RAB5IF: variants seen among roughly 807,000 people sequenced by gnomAD.
RAB5IF encodes the protein GEL complex subunit OPTI.
Under a neutral mutation model 20.3 loss-of-function variants are expected in RAB5IF, and 15 were observed. The observed-to-expected ratio is 0.74, with a 90% CI of 0.50 to 1.14. RAB5IF has a LOEUF of 1.14. Ranked by LOEUF, RAB5IF falls within the 50% of genes most tolerant of loss-of-function variation. The pLI, the probability that RAB5IF is intolerant of heterozygous loss-of-function variation, is 0.00. For synonymous variants in RAB5IF, 67 were observed against 63.7 expected (o/e 1.05, Z -0.25); for missense variants, 148 against 159.5 (o/e 0.93, Z 0.39).
chr20:36,609,185 A>ACACACACACACACACC (rs2039021825), intron 2 of RAB5IF, among the ~76,000 whole-genome samples: 1 of 47,954 alleles, frequency 2.1e-5, no homozygotes. Context: ...ACACACACAC[A>ACACACACACACACACC]CACACACACG....
chr20:36,610,387 A>G (rs2039078817), intron 3 of RAB5IF, among the ~76,000 whole-genome samples: 1 of 152,142 alleles, frequency 6.6e-6, no homozygotes, highest in African/African-American at 2.4e-5. Flanking sequence ...TCCATACAGT[A>G]GAATGTTATT....
chr20:36,607,490 A>G (rs2038961889), intron 1 of RAB5IF, among the ~76,000 whole-genome samples: 1 of 152,168 alleles, frequency 6.6e-6, no homozygotes, highest in Non-Finnish European at 1.5e-5. Flanking sequence ...TCGGCCTCCC[A>G]AAGTGCTGGG....
intron 2 of RAB5IF, among the ~76,000 whole-genome samples, chr20:36,609,156 TACACACACACACAC>T (rs765034845): frequency 5.9e-5 from 1 of 17,052 alleles, no homozygotes; most frequent in Non-Finnish European, 1.1e-4. Flanking sequence ...AGAACTATAT[TACACACACACACAC>T]ACACACACAC....
chr20:36,608,725 G>C (rs376932272), intron 2 of RAB5IF, among the ~76,000 whole-genome samples: 4 of 151,618 alleles, frequency 2.6e-5, no homozygotes, highest in African/African-American at 9.7e-5. Context: ...CCCCATGCCC[G>C]GCTTATTTTT....
intron 3 of RAB5IF, among the ~76,000 whole-genome samples, chr20:36,611,628 C>A (rs2039122479): frequency 6.6e-6 from 1 of 151,884 alleles, no homozygotes; most frequent in Non-Finnish European, 1.5e-5. Flanking sequence ...CAATGGGTAG[C>A]CAAGGTTTGA....
Position 36,607,579 on chromosome 20 carries a change from A to G in RAB5IF, c.115-136A>G, listed in dbSNP as rs952338013. On this transcript the variant is annotated intron_variant, in intron 1 of 3. Transcript: ENST00000344795. The stretch of plus-strand genomic sequence containing the variant: ...TTTTAGTATAAGTAAGAGGTGAAAC[A>G]GGAAGCACATACTGTTGCCTTTGGG... The G allele has an allele frequency of 5.3e-6, 5 of 943,168 alleles. No individual in the cohort carries two copies. In the African/African-American group the frequency reaches 6.7e-5, roughly 13 times the overall value. The allele number at this position is 943,168 out of a possible 1,614,324, so 58.4% of individuals were successfully genotyped here.
chr20:36,609,035 T>C (rs1466346318), intron 2 of RAB5IF, among the ~76,000 whole-genome samples: 1 of 151,694 alleles, frequency 6.6e-6, no homozygotes, highest in Non-Finnish European at 1.5e-5. Context: ...AAGCAGCAGC[T>C]TCACATGTTT....
At chr20:36,607,687 A>T in intron 1 of RAB5IF, 28 bp from the exon 2 acceptor site, 2 of 1,612,830 alleles carry the variant, frequency 1.2e-6, no homozygotes, top group Non-Finnish European at 1.7e-6. Context: ...ACTCCAGATA[A>T]TTCTTGCATT....
chr20:36,609,091 TCA>T lies in RAB5IF; in HGVS notation c.219-509_219-508del, dbSNP rs1413172974. On this transcript the variant is annotated intron_variant, in intron 2 of 3. Transcript: ENST00000344795. ...AGCTGGAGCTACCTGGAGGCCCATG[TCA>T]GGTCCCGCTTGGGATGGCTTATCAG... 3.3e-5 allele frequency among the ~76,000 whole-genome samples: 5 copies of T among 151,168 alleles called. No individual in the cohort carries two copies. In the East Asian group the frequency reaches 9.7e-4, roughly 29 times the overall value.
chr20:36,612,396 C>G lies in RAB5IF; in HGVS notation c.*345C>G. 1 of 659,938 alleles carries G rather than the reference C, an allele frequency of 1.5e-6. No homozygotes were observed. Among genetic ancestry groups the G allele is most frequent in the Non-Finnish European group, 2.6e-6 (1 of 381,932 alleles). The allele number at this position is 659,938 out of a possible 1,614,324, so 40.9% of individuals were successfully genotyped here. On this transcript the variant is annotated 3_prime_UTR_variant, in exon 4 of 4. Coordinates refer to ENST00000344795, the MANE Select transcript of RAB5IF (RefSeq NM_018840.5). ...CATTAAATTGTCTTCCTCGATTCTC[C>G]ATCGGGTGTAGAGTTTTTAAACTAT...
Position 36,605,931 on chromosome 20 carries a change from C to T in RAB5IF, c.-21C>T. ...CTCAGCCCGCGCGCCCCAGGCCCGGCCCGGGCGGCGCGACGGGAGGATGAG... is the reference window on the plus strand; with the variant it reads ...CTCAGCCCGCGCGCCCCAGGCCCGGTCCGGGCGGCGCGACGGGAGGATGAG... On this transcript the variant is annotated 5_prime_UTR_variant, in exon 1 of 4. Transcript: ENST00000344795. The T allele has an allele frequency of 2.7e-6, 4 of 1,470,630 alleles. No individual in the cohort carries two copies. The highest frequency in any genetic ancestry group is 2.7e-5 in the East Asian group (1 of 37,162). The allele number at this position is 1,470,630 out of a possible 1,614,324, so 91.1% of individuals were successfully genotyped here. A position where few individuals can be genotyped will look rare whatever the true frequency, so the allele number is the denominator to read the frequency against.
At position 36,610,538 on chromosome 20, in the gene RAB5IF, T is replaced by A. The variant is rs973157361; in HGVS notation, c.348+808T>A. ...AACATGGTAAAACCCTGTCTCTACT[T>A]AAAAAAATTAGCTGGGCATGGTGGC... On this transcript the variant is annotated intron_variant, in intron 3 of 3. Coordinates refer to ENST00000344795, the MANE Select transcript of RAB5IF (RefSeq NM_018840.5). Among the ~76,000 whole-genome samples, 104 of 149,144 alleles carry A rather than the reference T, an allele frequency of 7.0e-4. 2 individuals carry two copies. Among genetic ancestry groups the A allele is most frequent in the African/African-American group, 2.4e-3 (98 of 40,560 alleles).
intron 3 of RAB5IF, 121 bp from the exon 4 acceptor site, chr20:36,611,889 T>A: frequency 1.5e-6 from 2 of 1,293,544 alleles, no homozygotes; most frequent in Non-Finnish European, 2.2e-6. Flanking sequence ...CCAAGCAGAC[T>A]GTGCAACGGA....
chr20:36,605,910 G>A lies in RAB5IF; in HGVS notation c.-42G>A, dbSNP rs2038920117. The A allele has an allele frequency of 4.6e-6, 6 of 1,292,488 alleles. No individual in the cohort carries two copies. In the South Asian group the frequency reaches 8.6e-5, roughly 19 times the overall value. 80.1% of individuals were successfully genotyped at this position (1,292,488 alleles called of 1,614,324 possible). ...CTAGACCCCGACTCCCTTTGGCTCA[G>A]CCCGCGCGCCCCAGGCCCGGCCCGG... is the stretch of plus-strand genomic sequence containing the variant. On this transcript the variant is annotated 5_prime_UTR_variant, in exon 1 of 4. Transcript: ENST00000344795.
rs60975859 is a variant in RAB5IF at position 36,611,493 on chromosome 20, C to CAAAAA, written c.349-499_349-495dup. ...GTACCTGTTGAGTCCCAGCAGGACT[C>CAAAAA]AAAAAAAAAAAAAAAAAAAAAACCA... is the stretch of plus-strand genomic sequence containing the variant. On this transcript the variant is annotated intron_variant, in intron 3 of 3. Coordinates refer to ENST00000344795, the MANE Select transcript of RAB5IF (RefSeq NM_018840.5). 1.7e-3 allele frequency among the ~76,000 whole-genome samples: 80 copies of CAAAAA among 46,516 alleles called. 1 individual carries two copies. The highest frequency in any genetic ancestry group is 5.2e-3 in the African/African-American group (75 of 14,430). The allele number at this position is 46,516 out of a possible 152,430, so 30.5% of individuals were successfully genotyped here.
intron 3 of RAB5IF, among the ~76,000 whole-genome samples, chr20:36,611,347 A>C (rs1005492538): frequency 6.6e-6 from 1 of 151,812 alleles, no homozygotes; most frequent in Non-Finnish European, 1.5e-5. Context: ...CTGTAATTAT[A>C]GCACTTTAGG....
intron 2 of RAB5IF, among the ~76,000 whole-genome samples, chr20:36,609,255 A>ACACTCT (rs1568595802): frequency 8.6e-6 from 1 of 116,434 alleles, no homozygotes; most frequent in Non-Finnish European, 1.8e-5. Context: ...ACACACACAC[A>ACACTCT]CTATATATAG....
rs1179180631 is a variant in RAB5IF, at chr20:36,605,890, C to G, written c.-62C>G. The G allele has an allele frequency of 2.0e-6, 2 of 1,019,452 alleles. No individual in the cohort carries two copies. Among genetic ancestry groups the G allele is most frequent in the Admixed American group, 4.1e-5 (1 of 24,408 alleles). The allele number at this position is 1,019,452 out of a possible 1,614,324, so 63.2% of individuals were successfully genotyped here. On this transcript the variant is annotated 5_prime_UTR_variant, in exon 1 of 4. Coordinates refer to ENST00000344795, the MANE Select transcript of RAB5IF (RefSeq NM_018840.5). ...CCGCGCCGTGACCTGCGACCCTAGA[C>G]CCCGACTCCCTTTGGCTCAGCCCGC...
At chr20:36,609,507 T>C (rs1396565049) in intron 2 of RAB5IF, 94 bp from the exon 3 acceptor site, 21 of 1,482,550 alleles carry the variant, frequency 1.4e-5, no homozygotes, top group Middle Eastern at 1.8e-4. Context: ...CCCAAAGTGC[T>C]GGGATTACAG....
Sources: allele counts gnomAD v4.1 joint callset (sites outside exome capture counted in the v4.1 genomes callset), GRCh38; gene constraint gnomAD v4.1.1; transcripts MANE v1.5; gene names NCBI Gene and HGNC (gene_info 2026-07-23, HGNC 2026-07-21).